The following STRN variants were observed in gnomAD, a reference collection of about 807,000 sequenced individuals.
STRN encodes the protein protein phosphatase 2 regulatory subunit B'''alpha.
Under a neutral mutation model 96.3 loss-of-function variants are expected in STRN, and 53 were observed. The ratio of observed to expected loss-of-function variants is 0.55; its 90% CI spans 0.44 to 0.69. STRN has a LOEUF of 0.69. Ranked by LOEUF, STRN falls within the 30% of genes least tolerant of loss-of-function variation. The pLI, the probability that STRN is intolerant of heterozygous loss-of-function variation, is 0.00. For missense variants in STRN, 987 were observed against 963.9 expected (o/e 1.02, Z -0.32); for synonymous variants, 428 against 355.9 (o/e 1.20, Z -2.28).
chr2:36,860,177 A>C lies in STRN; in HGVS notation c.1669+955T>G, dbSNP rs1668439837. Reference sequence around the variant, plus strand: ...TGCAAGAGAACAAGAGCAGAAGAGCAAGAGATTAGAATGCAGTCGCAAAGA... The same window carrying C: ...TGCAAGAGAACAAGAGCAGAAGAGCCAGAGATTAGAATGCAGTCGCAAAGA... On this transcript the variant is annotated intron_variant, in intron 13 of 17. Coordinates refer to ENST00000263918, the MANE Select transcript of STRN (RefSeq NM_003162.4). Among the ~76,000 whole-genome samples the C allele has an allele frequency of 2.6e-5, 4 of 152,198 alleles. No homozygotes were observed. In the South Asian group the frequency reaches 8.3e-4, roughly 32 times the overall value.
At chr2:36,896,241 TGGG>T in intron 6 of STRN, among the ~76,000 whole-genome samples, 1 of 152,148 alleles carries the variant, frequency 6.6e-6, no homozygotes, top group South Asian at 2.1e-4. Context: ...AAGCAACTCT[TGGG>T]GGGAAAAACT....
rs1668143466 is a variant in STRN, at chr2:36,848,726, T to C, written c.*730A>G. The stretch of plus-strand genomic sequence containing the variant: ...TAAAAGCAGAGTCGATCAACTATTC[T>C]TCACAATGGTGAGTGCTTGATAGCT... On this transcript the variant is annotated 3_prime_UTR_variant, in exon 18 of 18. Transcript: ENST00000263918. 6.6e-6 allele frequency: 1 copy of C among 152,316 alleles called. No homozygotes were observed. The allele number at this position is 152,316 out of a possible 1,614,324, so 9.4% of individuals were successfully genotyped here.
Position 36,958,924 on chromosome 2 carries a change from A to G in STRN, c.234+7306T>C, listed in dbSNP as rs536399425. Among the ~76,000 whole-genome samples the G allele has an allele frequency of 2.1e-3, 313 of 152,270 alleles. 1 individual carries two copies. The highest frequency in any genetic ancestry group is 3.7e-3 in the Non-Finnish European group (252 of 68,010). ...CACGAGGTCAGATAGAGACCATCCT[A>G]GCTGACACAGTGAAACCCCATCTCT... On this transcript the variant is annotated intron_variant, in intron 1 of 17. Coordinates refer to ENST00000263918, the MANE Select transcript of STRN (RefSeq NM_003162.4).
chr2:36,878,126 CTTAA>C, intron 9 of STRN, 99 bp from the exon 10 acceptor site: 1 of 1,297,148 alleles, frequency 7.7e-7, no homozygotes, highest in Non-Finnish European at 1.1e-6. Context: ...CACGTATATA[CTTAA>C]TTGTTTTTAA....
chr2:36,884,560 C>G (rs1413081267), intron 8 of STRN, among the ~76,000 whole-genome samples: 1 of 152,160 alleles, frequency 6.6e-6, no homozygotes, highest in East Asian at 1.9e-4. Context: ...CCTGTTTTGA[C>G]TGTTTTATAT....
intron 3 of STRN, among the ~76,000 whole-genome samples, chr2:36,914,243 G>C (rs149048591): frequency 6.2e-4 from 95 of 152,148 alleles, no homozygotes; most frequent in African/African-American, 2.1e-3. Flanking sequence ...CTCCCACCTT[G>C]GCCTCCCAAA....
intron 13 of STRN, among the ~76,000 whole-genome samples, chr2:36,860,218 G>C (rs745584592): frequency 4.6e-5 from 7 of 152,134 alleles, no homozygotes; most frequent in African/African-American, 9.7e-5. Context: ...AGAGAGATTC[G>C]AGTACAGTCA....
At chr2:36,950,213 GT>G (rs745506504) in intron 1 of STRN, among the ~76,000 whole-genome samples, 3,957 of 108,938 alleles carry the variant, frequency 0.036, 42 homozygotes, top group African/African-American at 0.076. Context: ...GTTTGGTTTT[GT>G]TTTTTTTTTT....
intron 14 of STRN, 108 bp downstream of exon 14, chr2:36,857,748 C>A (rs1572625895): frequency 1.0e-6 from 1 of 959,316 alleles, no homozygotes; most frequent in East Asian, 2.8e-5. Context: ...GCTTCAAAAA[C>A]TTTCAAATTA....
intron 1 of STRN, among the ~76,000 whole-genome samples, chr2:36,952,626 A>C (rs1043088560): frequency 2.6e-5 from 4 of 152,242 alleles, no homozygotes; most frequent in African/African-American, 9.6e-5. Flanking sequence ...TAGATTGTAG[A>C]TATAAAGCAC....
chr2:36,942,276 G>C (rs1035313408), intron 1 of STRN, among the ~76,000 whole-genome samples: 1 of 152,078 alleles, frequency 6.6e-6, no homozygotes, highest in Admixed American at 6.6e-5. Flanking sequence ...TGGCAGATGA[G>C]AAAGAAAAAA....
intron 8 of STRN, among the ~76,000 whole-genome samples, chr2:36,886,507 T>C (rs947958877): frequency 6.6e-6 from 1 of 152,200 alleles, no homozygotes; most frequent in Non-Finnish European, 1.5e-5. Context: ...GTATACATGA[T>C]TCCATAAGTA....
At chr2:36,860,808 T>C (rs1430470734) in intron 13 of STRN, among the ~76,000 whole-genome samples, 2 of 152,190 alleles carry the variant, frequency 1.3e-5, no homozygotes, top group Non-Finnish European at 2.9e-5. Context: ...TGATGAAATA[T>C]TATTACAGAT....
intron 1 of STRN, among the ~76,000 whole-genome samples, chr2:36,965,997 C>T (rs976859095): frequency 6.6e-6 from 1 of 151,792 alleles, no homozygotes; most frequent in African/African-American, 2.4e-5. Context: ...GGCGGACGAA[C>T]AGGCGTGGGG....
intron 2 of STRN, among the ~76,000 whole-genome samples, chr2:36,924,170 C>A (rs1670338983): frequency 6.6e-6 from 1 of 151,996 alleles, no homozygotes. Flanking sequence ...TCCTGGCTCA[C>A]ATGGTGAAAC....
At chr2:36,937,061 G>A (rs1670718561) in intron 1 of STRN, among the ~76,000 whole-genome samples, 1 of 152,070 alleles carries the variant, frequency 6.6e-6, no homozygotes, top group Admixed American at 6.6e-5. Flanking sequence ...AAGAAAAAGA[G>A]GGCCGGAAAC....
intron 15 of STRN, among the ~76,000 whole-genome samples, chr2:36,854,048 G>C (rs1668284051): frequency 7.1e-6 from 1 of 141,164 alleles, no homozygotes; most frequent in South Asian, 2.5e-4. Flanking sequence ...CACTCGCCTA[G>C]TTCTCTTTAT....
chr2:36,942,625 A>T (rs1670873614), intron 1 of STRN, among the ~76,000 whole-genome samples: 1 of 152,248 alleles, frequency 6.6e-6, no homozygotes. Flanking sequence ...TGACCAATTG[A>T]CAATACCACG....
intron 8 of STRN, among the ~76,000 whole-genome samples, chr2:36,884,470 C>T (rs1669158276): frequency 6.6e-6 from 1 of 152,122 alleles, no homozygotes; most frequent in Admixed American, 6.5e-5. Context: ...GCCTTACATC[C>T]TGAAGCTATG....
Sources: gnomAD v4.1 joint callset for allele counts (sites outside exome capture counted in the v4.1 genomes callset) on GRCh38, gnomAD v4.1.1 for gene constraint, MANE v1.5 for transcripts, NCBI Gene and HGNC (gene_info 2026-07-23, HGNC 2026-07-21) for gene names.